The following MEIKIN variants were observed in gnomAD, a reference collection of about 807,000 sequenced individuals.
The protein encoded by MEIKIN is meiosis-specific kinetochore protein.
At chr5:131,818,124 A>G (rs1455310814) in intron 12 of MEIKIN, among the ~76,000 whole-genome samples, 1 of 152,208 alleles carries the variant, frequency 6.6e-6, no homozygotes, top group African/African-American at 2.4e-5. Context: ...TAAAATGGGA[A>G]TAACAGTACA....
At chr5:131,838,707 G>C (rs1407368835) in intron 11 of MEIKIN, among the ~76,000 whole-genome samples, 1 of 151,790 alleles carries the variant, frequency 6.6e-6, no homozygotes, top group Non-Finnish European at 1.5e-5. Flanking sequence ...TATCCCTTTT[G>C]TCACTTCCAA....
chr5:131,881,580 A>C (rs1750703325), intron 8 of MEIKIN, among the ~76,000 whole-genome samples: 1 of 152,122 alleles, frequency 6.6e-6, no homozygotes, highest in Admixed American at 6.5e-5. Context: ...TCTGGTCTGG[A>C]GTTCTCCAGA....
chr5:131,899,794 A>G (rs191551738), intron 8 of MEIKIN, among the ~76,000 whole-genome samples: 1 of 152,338 alleles, frequency 6.6e-6, no homozygotes, highest in Non-Finnish European at 1.5e-5. Flanking sequence ...ATATGCACCT[A>G]ACACTGGGTC....
intron 9 of MEIKIN, among the ~76,000 whole-genome samples, chr5:131,860,617 T>TA (rs902486403): frequency 1.2e-4 from 10 of 83,782 alleles, no homozygotes; most frequent in South Asian, 4.8e-4. Flanking sequence ...GATAATTTTT[T>TA]TTTTTATTTT....
intron 9 of MEIKIN, among the ~76,000 whole-genome samples, chr5:131,866,499 G>T (rs1561737464): frequency 6.6e-6 from 1 of 152,212 alleles, no homozygotes; most frequent in Non-Finnish European, 1.5e-5. Context: ...CTGTGGCCCT[G>T]CAACTGGGAA....
intron 11 of MEIKIN, among the ~76,000 whole-genome samples, chr5:131,831,424 C>T (rs1284658632): frequency 1.3e-5 from 2 of 152,090 alleles, no homozygotes; most frequent in African/African-American, 4.8e-5. Flanking sequence ...AGTTGTGGTG[C>T]CACATGCTTG....
At chr5:131,848,435 C>G (rs996733272) in intron 11 of MEIKIN, among the ~76,000 whole-genome samples, 1 of 151,908 alleles carries the variant, frequency 6.6e-6, no homozygotes, top group Non-Finnish European at 1.5e-5. Flanking sequence ...ATGAAATAAA[C>G]AAATACCTAT....
In MEIKIN at chr5:131,865,364, C is replaced by T. The variant is rs182474985; in HGVS notation, c.775-10530G>A. Among the ~76,000 whole-genome samples, 8 of 151,970 alleles carry T rather than the reference C, an allele frequency of 5.3e-5. No individual in the cohort carries two copies. The East Asian group carries it at 1.6e-3, about 30-fold the overall frequency. On this transcript the variant is annotated intron_variant, in intron 9 of 12. Transcript: ENST00000442687. ...CCTCCCGAGTAGCTGGGACTGCAGG[C>T]ATGCGCCACCATGCCCGGCTAATTT...
Position 131,941,142 on chromosome 5 carries a change from C to CTTTTTTTTTTTTTTTTTTTTTTTTTTT in MEIKIN, c.349+1466_349+1492dup, listed in dbSNP as rs397999274. 3.4e-5 allele frequency among the ~76,000 whole-genome samples: 2 copies of CTTTTTTTTTTTTTTTTTTTTTTTTTTT among 59,662 alleles called. 1 individual carries two copies. The highest frequency in any genetic ancestry group is 5.7e-5 in the Non-Finnish European group (2 of 35,156). The allele number at this position is 59,662 out of a possible 152,430, so 39.1% of individuals were successfully genotyped here. On this transcript the variant is annotated intron_variant, in intron 4 of 12. Coordinates refer to ENST00000442687, the MANE Select transcript of MEIKIN (RefSeq NM_001303622.2). ...TTGACAATTCCTTCAAGATCTCTTC[C>CTTTTTTTTTTTTTTTTTTTTTTTTTTT]TTTTTTTTTTTTTTTTTTTTTTTTT...
chr5:131,893,114 A>G (rs1214488653), intron 8 of MEIKIN, among the ~76,000 whole-genome samples: 1 of 152,218 alleles, frequency 6.6e-6, no homozygotes, highest in Non-Finnish European at 1.5e-5. Context: ...GTGAGGTGTC[A>G]GGCTGTCAGA....
chr5:131,893,355 T>A (rs920002176), intron 8 of MEIKIN, among the ~76,000 whole-genome samples: 6 of 152,208 alleles, frequency 3.9e-5, no homozygotes, highest in Admixed American at 6.5e-5. Flanking sequence ...GTGCTAGCAA[T>A]GAGCAAGGCT....
chr5:131,936,857 C>G (rs772208942), intron 4 of MEIKIN, among the ~76,000 whole-genome samples: 3 of 152,184 alleles, frequency 2.0e-5, no homozygotes, highest in Non-Finnish European at 4.4e-5. Context: ...AGGCATGAAC[C>G]ACAGCGCCCG....
At chr5:131,837,963 T>C (rs1043086443) in intron 11 of MEIKIN, among the ~76,000 whole-genome samples, 11 of 152,076 alleles carry the variant, frequency 7.2e-5, no homozygotes, top group African/African-American at 2.4e-4. Flanking sequence ...AGTGCTTCTG[T>C]TTTTGCCTAT....
rs972923501 is a variant in MEIKIN at position 131,945,404 on chromosome 5, C to T, written c.102G>A (p.Pro34=). 1 of 399,188 alleles carries T rather than the reference C, an allele frequency of 2.5e-6. No homozygotes were observed. The highest frequency in any genetic ancestry group is 6.3e-4 in the Middle Eastern group (1 of 1,590). 24.7% of individuals were successfully genotyped at this position (399,188 alleles called of 1,614,324 possible). The change falls in exon 1 of 13, where the codon CCG becomes CCA. Residue 34 remains proline, a synonymous_variant. Transcript: ENST00000442687. ...GGGCGAGCCTTGAGCCTGTACCTGG[C>T]GGGGCCTCGGCCTTCGCTGGAGAGC... ...DLGSPAKAEA[P]PGSKRKGKVH...
At chr5:131,813,874 C>T (rs761201516) in intron 12 of MEIKIN, among the ~76,000 whole-genome samples, 4 of 152,106 alleles carry the variant, frequency 2.6e-5, no homozygotes, top group Non-Finnish European at 5.9e-5. Flanking sequence ...GGAGTATTAA[C>T]TCACATGATC....
intron 11 of MEIKIN, among the ~76,000 whole-genome samples, chr5:131,835,210 G>GTT (rs765745647): frequency 1.1e-3 from 172 of 150,970 alleles, no homozygotes; most frequent in Non-Finnish European, 1.9e-3. Context: ...ATATATATGT[G>GTT]TGTATATATA....
At chr5:131,829,608 A>T (rs1195617848) in intron 11 of MEIKIN, among the ~76,000 whole-genome samples, 3 of 151,876 alleles carry the variant, frequency 2.0e-5, no homozygotes, top group African/African-American at 7.3e-5. Context: ...ACAGAAAAAT[A>T]AAAAAAACAA....
chr5:131,832,071 C>T (rs76206779), intron 11 of MEIKIN, among the ~76,000 whole-genome samples: 4,067 of 152,154 alleles, frequency 0.027, 191 homozygotes, highest in African/African-American at 0.092. Flanking sequence ...AACAGTCCCC[C>T]GAAGTCTTAA....
intron 3 of MEIKIN, among the ~76,000 whole-genome samples, chr5:131,943,929 C>A (rs907111347): frequency 2.6e-5 from 4 of 151,890 alleles, no homozygotes; most frequent in African/African-American, 7.3e-5. Flanking sequence ...ACCAGCCTGG[C>A]CAACCTGGAG....
Sources: allele counts gnomAD v4.1 joint callset (sites outside exome capture counted in the v4.1 genomes callset), GRCh38; gene constraint gnomAD v4.1.1; transcripts MANE v1.5; gene names NCBI Gene and HGNC (gene_info 2026-07-23, HGNC 2026-07-21).